Variants in BMAL1 observed in about 807,000 individuals in gnomAD.
The protein encoded by BMAL1 is basic helix-loop-helix ARNT like 1, also known as basic helix-loop-helix ARNT-like protein 1.
At chr11:13,322,138 GTTC>G in the BMAL1 span, among the ~76,000 whole-genome samples, 1 of 152,182 alleles carries the variant, frequency 6.6e-6, no homozygotes, top group African/African-American at 2.4e-5. Context: ...CCTGATGCTT[GTTC>G]TTGTCTACGA....
the BMAL1 span, among the ~76,000 whole-genome samples, chr11:13,367,816 C>T: frequency 6.6e-6 from 1 of 151,768 alleles, no homozygotes; most frequent in African/African-American, 2.4e-5. Context: ...TAACCTCTCT[C>T]TGTCTCAGTT....
the BMAL1 span, among the ~76,000 whole-genome samples, chr11:13,368,684 G>T: frequency 6.6e-6 from 1 of 152,148 alleles, no homozygotes; most frequent in South Asian, 2.1e-4. Flanking sequence ...CCAGTGTTTG[G>T]TAAGGAGGTG....
the BMAL1 span, among the ~76,000 whole-genome samples, chr11:13,344,084 G>A: frequency 6.6e-6 from 1 of 152,072 alleles, no homozygotes. Context: ...ACTGCATATA[G>A]TGCTGTCCTC....
chr11:13,359,763 C>T, the BMAL1 span, among the ~76,000 whole-genome samples: 33 of 152,304 alleles, frequency 2.2e-4, no homozygotes, highest in Non-Finnish European at 4.1e-4. Flanking sequence ...CCTTTTAAAC[C>T]TAAGTCTTGT....
the BMAL1 span, among the ~76,000 whole-genome samples, chr11:13,362,738 C>T: frequency 2.2e-3 from 339 of 152,254 alleles, 2 homozygotes; most frequent in African/African-American, 7.5e-3. Context: ...AAAATATGAC[C>T]GATGCCTGTA....
the BMAL1 span, among the ~76,000 whole-genome samples, chr11:13,287,354 G>A: frequency 2.6e-5 from 4 of 152,148 alleles, no homozygotes; most frequent in African/African-American, 9.7e-5. Context: ...TGAAGGCATA[G>A]CGAGGAGTTG....
the BMAL1 span, among the ~76,000 whole-genome samples, chr11:13,326,201 T>TA: frequency 0.46 from 65,427 of 142,374 alleles, 16,864 homozygotes; most frequent in Non-Finnish European, 0.6. Flanking sequence ...AGACTCTGTC[T>TA]AAAAAAAAAA....
chr11:13,372,637 C>T, the BMAL1 span, among the ~76,000 whole-genome samples: 1 of 152,098 alleles, frequency 6.6e-6, no homozygotes, highest in Non-Finnish European at 1.5e-5. Flanking sequence ...TGGCAAAACC[C>T]TGTCTCAACT....
the BMAL1 span, among the ~76,000 whole-genome samples, chr11:13,316,980 C>A: frequency 2.8e-3 from 420 of 152,278 alleles, 3 homozygotes; most frequent in African/African-American, 9.0e-3. Context: ...ACCCACCAAG[C>A]TCCCTTAGCC....
the BMAL1 span, among the ~76,000 whole-genome samples, chr11:13,326,031 T>A: frequency 1.3e-5 from 2 of 151,614 alleles, no homozygotes; most frequent in Non-Finnish European, 2.9e-5. Flanking sequence ...GATGAAACCC[T>A]GTGTCTACTA....
chr11:13,354,655 A>ACTTC, the BMAL1 span: 1 of 577,160 alleles, frequency 1.7e-6, no homozygotes, highest in Non-Finnish European at 2.9e-6. Flanking sequence ...GAGGCATTTA[A>ACTTC]CTTCCACTTC....
chr11:13,363,474 T>A, the BMAL1 span, among the ~76,000 whole-genome samples: 2 of 152,052 alleles, frequency 1.3e-5, no homozygotes, highest in African/African-American at 4.8e-5. Context: ...TACTGTCCAG[T>A]CCCTTATCAC....
chr11:13,320,016 T>C, the BMAL1 span, among the ~76,000 whole-genome samples: 1 of 152,228 alleles, frequency 6.6e-6, no homozygotes, highest in South Asian at 2.1e-4. Context: ...CTTCTGGTGG[T>C]CACTTTTGTT....
the BMAL1 span, chr11:13,376,499 C>A: frequency 2.5e-6 from 2 of 807,340 alleles, no homozygotes. Context: ...AACAGTGAGA[C>A]CTGTTTACCC....
chr11:13,356,391 G>C, the BMAL1 span: 2 of 525,082 alleles, frequency 3.8e-6, no homozygotes, highest in African/African-American at 3.8e-5. Context: ...GGGAGAATGA[G>C]AGGTTATATA....
chr11:13,365,282 AACACACACACACACAC>A, the BMAL1 span: 963 of 182,822 alleles, frequency 5.3e-3, 12 homozygotes, highest in African/African-American at 0.021. Flanking sequence ...GATATGCAGA[AACACACACACACACAC>A]ACACACACAC....
At chr11:13,371,484 C>CT in the BMAL1 span, among the ~76,000 whole-genome samples, 82 of 152,320 alleles carry the variant, frequency 5.4e-4, no homozygotes, top group Middle Eastern at 0.01. Flanking sequence ...TAATCTCTTG[C>CT]TGTATTATAG....
chr11:13,282,583 G>C, the BMAL1 span, among the ~76,000 whole-genome samples: 49 of 152,128 alleles, frequency 3.2e-4, no homozygotes, highest in Non-Finnish European at 5.9e-5. Context: ...CAATTTTCAC[G>C]TGTCCAAATC....
chr11:13,281,353 C>A, the BMAL1 span, among the ~76,000 whole-genome samples: 1 of 152,022 alleles, frequency 6.6e-6, no homozygotes, highest in Non-Finnish European at 1.5e-5. Flanking sequence ...CAGCCTCCCC[C>A]ACTCTCCCAT....
Sources: gnomAD v4.1 joint callset for allele counts (sites outside exome capture counted in the v4.1 genomes callset) on GRCh38, gnomAD v4.1.1 for gene constraint, MANE v1.5 for transcripts, NCBI Gene and HGNC (gene_info 2026-07-23, HGNC 2026-07-21) for gene names.